Variants in GLB1 observed in about 807,000 individuals in gnomAD.
The protein encoded by GLB1 is beta-galactosidase.
Under a neutral mutation model 74.0 loss-of-function variants are expected in GLB1, and 56 were observed. The ratio of observed to expected loss-of-function variants is 0.76; its 90% CI spans 0.61 to 0.94. The LOEUF is 0.94. Ranked by LOEUF, GLB1 falls within the 40% of genes least tolerant of loss-of-function variation. The probability of loss-of-function intolerance (pLI) is 0.00; values close to 1 mark genes in which losing one functional copy is unlikely to be tolerated. For synonymous variants in GLB1, 323 were observed against 323.6 expected (o/e 1.00, Z 0.02); for missense variants, 787 against 845.5 (o/e 0.93, Z 0.86).
rs560618097 is a variant in GLB1 at position 33,015,201 on chromosome 3, G to A, written c.1480-891C>T. On this transcript the variant is annotated intron_variant, in intron 14 of 15. Coordinates refer to ENST00000307363, the MANE Select transcript of GLB1 (RefSeq NM_000404.4). ...GGAATGAGTGAGTGTGGGATACAAA[G>A]GAATAGTCATCCCACTGCGGATGGA... 4.4e-3 allele frequency among the ~76,000 whole-genome samples: 667 copies of A among 152,254 alleles called. 3 individuals carry two copies. Among genetic ancestry groups the A allele is most frequent in the Non-Finnish European group, 4.8e-3 (328 of 68,022 alleles).
intron 13 of GLB1, 48 bp downstream of exon 13, chr3:33,018,400 T>C: frequency 7.0e-7 from 1 of 1,427,312 alleles, no homozygotes; most frequent in Non-Finnish European, 9.4e-7. Context: ...AGGCTGCTCA[T>C]CCCCACCCTC....
Position 33,017,905 on chromosome 3 carries a change from T to C in GLB1, c.1347+543A>G, listed in dbSNP as rs527616280. Among the ~76,000 whole-genome samples, 34 of 152,040 alleles carry C rather than the reference T, an allele frequency of 2.2e-4. No individual in the cohort carries two copies. The East Asian group carries it at 6.6e-3, about 30-fold the overall frequency. On this transcript the variant is annotated intron_variant, in intron 13 of 15. Transcript: ENST00000307363. ...GCGCATCAAGCACAGCCCTCTGGGT[T>C]AAGATGGTGGGTAGGGTGGATTTCA...
Position 32,997,051 on chromosome 3 carries a change from A to T in GLB1, c.2028T>A (p.His676Gln), listed in dbSNP as rs753028572. 1 of 1,613,934 alleles carries T rather than the reference A, an allele frequency of 6.2e-7. No homozygotes were observed. Among genetic ancestry groups the T allele is most frequent in the Admixed American group, 1.7e-5 (1 of 60,016 alleles). Residue 676 changes from histidine (H) to glutamine (Q), a missense_variant, in exon 16 of 16, where the codon CAT (histidine) becomes CAA (glutamine). His to Gln is a conservative substitution (Grantham distance 24, BLOSUM62 0). Transcript: ENST00000307363. ...AAGACACAGGCTTTCATCATCATACATGGTCCAGCCATGAATCTTTGTTTT... is the reference window on the plus strand; with the variant it reads ...AAGACACAGGCTTTCATCATCATACTTGGTCCAGCCATGAATCTTTGTTTT... ...PQKNKDSWLD[H>Q]V
At chr3:33,070,095 G>T (rs1290142386) in intron 2 of GLB1, among the ~76,000 whole-genome samples, 1 of 152,154 alleles carries the variant, frequency 6.6e-6, no homozygotes, top group African/African-American at 2.4e-5. Flanking sequence ...CAGGATAATA[G>T]CCTCCAGCTG....
intron 1 of GLB1, chr3:33,091,500 T>C (rs1700760471): frequency 9.1e-6 from 9 of 985,490 alleles, no homozygotes; most frequent in Non-Finnish European, 9.6e-6. Context: ...TGGGCACCTG[T>C]GCCCAACAGA....
intron 9 of GLB1, among the ~76,000 whole-genome samples, 175 bp from the exon 10 acceptor site, chr3:33,046,407 T>C (rs1416948181): frequency 5.3e-5 from 8 of 152,112 alleles, no homozygotes; most frequent in Non-Finnish European, 8.8e-5. Flanking sequence ...AAGGAATTTC[T>C]TTCTACAGGT....
chr3:33,051,603 C>CAAAAAAAAAA (rs59740209), intron 9 of GLB1, among the ~76,000 whole-genome samples, 155 bp downstream of exon 9: 2 of 75,454 alleles, frequency 2.7e-5, no homozygotes, highest in Admixed American at 1.6e-4. Context: ...AGACTGTCTA[C>CAAAAAAAAAA]AAAAAAAAAA....
At chr3:33,089,883 G>T (rs9681623) in intron 1 of GLB1, among the ~76,000 whole-genome samples, 34,483 of 151,988 alleles carry the variant, frequency 0.23, 5,907 homozygotes, top group East Asian at 0.47. Context: ...CTTAAAAATG[G>T]TTAAGATCAA....
intron 10 of GLB1, chr3:33,034,630 T>C (rs1698194093): frequency 2.8e-6 from 2 of 727,048 alleles, no homozygotes; most frequent in Non-Finnish European, 5.1e-6. Context: ...AGTTCAATGA[T>C]GTCATGTAGC....
At chr3:33,071,511 C>T (rs1699887376) in intron 2 of GLB1, among the ~76,000 whole-genome samples, 1 of 152,142 alleles carries the variant, frequency 6.6e-6, no homozygotes, top group Non-Finnish European at 1.5e-5. Flanking sequence ...ATACAATTAC[C>T]GCAGCAGAAC....
the GLB1 span, among the ~76,000 whole-genome samples, chr3:32,973,977 G>C: frequency 7.2e-5 from 11 of 151,756 alleles, no homozygotes; most frequent in African/African-American, 2.7e-4. Flanking sequence ...AATATGGGGA[G>C]GGGGGCTGCA....
At chr3:33,091,888 T>A (rs941846514) in intron 1 of GLB1, 1 of 985,346 alleles carries the variant, frequency 1.0e-6, no homozygotes, top group Admixed American at 6.1e-5. Context: ...GATCAAAGGA[T>A]CTATTGCTTC....
Position 33,097,125 on chromosome 3 carries a change from G to C in GLB1, c.-40C>G, listed in dbSNP as rs781725075. 2.5e-6 allele frequency: 4 copies of C among 1,606,882 alleles called. No homozygotes were observed. Among genetic ancestry groups the C allele is most frequent in the Admixed American group, 1.7e-5 (1 of 59,244 alleles). ...CGGCTCTGCAGTCGGCGCCCAGGCC[G>C]GCCGCTTCGCGTCACTTGACTAAGG... On this transcript the variant is annotated 5_prime_UTR_variant, in exon 1 of 16. Coordinates refer to ENST00000307363, the MANE Select transcript of GLB1 (RefSeq NM_000404.4).
At chr3:33,071,215 C>T (rs1699875443) in intron 2 of GLB1, among the ~76,000 whole-genome samples, 1 of 152,216 alleles carries the variant, frequency 6.6e-6, no homozygotes, top group African/African-American at 2.4e-5. Flanking sequence ...CAGTCTTGGT[C>T]TTCCAGAACT....
chr3:32,985,997 C>T, the GLB1 span, among the ~76,000 whole-genome samples: 1 of 152,184 alleles, frequency 6.6e-6, no homozygotes, highest in African/African-American at 2.4e-5. Flanking sequence ...CAGGTGTGAG[C>T]CACCGCACCT....
At chr3:33,087,629 A>ACACACACT (rs1700575464) in intron 1 of GLB1, among the ~76,000 whole-genome samples, 1 of 137,048 alleles carries the variant, frequency 7.3e-6, no homozygotes, top group African/African-American at 2.7e-5. Flanking sequence ...ACACACACAC[A>ACACACACT]CTCAAAGAAA....
intron 10 of GLB1, chr3:33,034,504 C>A: frequency 1.4e-6 from 1 of 735,012 alleles, no homozygotes. Context: ...TGGCCTGGGC[C>A]CCCTCCATCA....
At chr3:33,010,183 T>C (rs1404021276) in intron 15 of GLB1, among the ~76,000 whole-genome samples, 1 of 152,236 alleles carries the variant, frequency 6.6e-6, no homozygotes, top group African/African-American at 2.4e-5. Context: ...TGCTCCCAAA[T>C]GTACCTTCTT....
At chr3:33,007,924 A>C (rs909281234) in intron 15 of GLB1, among the ~76,000 whole-genome samples, 1 of 152,194 alleles carries the variant, frequency 6.6e-6, no homozygotes, top group African/African-American at 2.4e-5. Flanking sequence ...TAGATGTGCC[A>C]CTGAGCACTT....
Sources: allele counts gnomAD v4.1 joint callset (sites outside exome capture counted in the v4.1 genomes callset), GRCh38; gene constraint gnomAD v4.1.1; transcripts MANE v1.5; gene names NCBI Gene and HGNC (gene_info 2026-07-23, HGNC 2026-07-21).